RNGTT: variants seen among roughly 807,000 people sequenced by gnomAD.
RNGTT encodes RNA guanylyltransferase and 5'-phosphatase.
RNGTT carries 33 observed loss-of-function variants against 79.3 expected under a neutral mutation model. That is an observed-to-expected ratio of 0.42 (90% CI 0.32 to 0.56). RNGTT has a LOEUF of 0.56. Ranked by LOEUF, RNGTT falls within the 20% of genes least tolerant of loss-of-function variation. The pLI is 0.17. For missense variants in RNGTT, 497 were observed against 739.1 expected, an observed-to-expected ratio of 0.67 and a Z score of 3.80; for synonymous variants, 222 against 235.9, an observed-to-expected ratio of 0.94 and a Z score of 0.54.
At chr6:88,770,186 A>T (rs1207603788) in intron 12 of RNGTT, among the ~76,000 whole-genome samples, 1 of 152,158 alleles carries the variant, frequency 6.6e-6, no homozygotes, top group Non-Finnish European at 1.5e-5. Flanking sequence ...GTTCAGCTTT[A>T]TGGAGGGATA....
chr6:88,673,870 T>C (rs1031027172), intron 14 of RNGTT, among the ~76,000 whole-genome samples: 1 of 152,234 alleles, frequency 6.6e-6, no homozygotes, highest in Non-Finnish European at 1.5e-5. Flanking sequence ...CTTCTCTCTT[T>C]TTAGTTACTT....
intron 14 of RNGTT, among the ~76,000 whole-genome samples, chr6:88,675,154 C>T (rs867806497): frequency 6.7e-6 from 1 of 149,032 alleles, no homozygotes; most frequent in Non-Finnish European, 1.5e-5. Context: ...CAGAAAGTTA[C>T]AAAAAAAAAC....
chr6:88,893,921 T>C (rs1469011327), intron 6 of RNGTT, among the ~76,000 whole-genome samples: 2 of 152,216 alleles, frequency 1.3e-5, no homozygotes, highest in Admixed American at 6.5e-5. Context: ...ATACCATTTT[T>C]ATATTATTCA....
chr6:88,949,159 G>GAAAAAA, intron 1 of RNGTT, among the ~76,000 whole-genome samples: 844 of 50,428 alleles, frequency 0.017, 1 homozygote, highest in Non-Finnish European at 0.022. Context: ...AAAATAAAAT[G>GAAAAAA]AAAAAAAAAA....
At chr6:88,877,630 A>G (rs1782558296) in intron 8 of RNGTT, among the ~76,000 whole-genome samples, 1 of 152,222 alleles carries the variant, frequency 6.6e-6, no homozygotes, top group South Asian at 2.1e-4. Flanking sequence ...CAACCAAAGC[A>G]TTACTGCTTT....
chr6:88,929,166 T>A lies in RNGTT; in HGVS notation c.276A>T (p.Lys92Asn). Residue 92 changes from lysine to asparagine, a missense_variant and splice_region_variant, in exon 3 of 16, where the codon AAA (lysine) becomes AAT (asparagine). Around this residue, in one of 3 missense-constraint regions of RNGTT, gnomAD observed 440 missense variants for 671.5 expected, o/e 0.66. Transcript: ENST00000369485. ...AAGAATCTTAATATATAACTTACCC[T>A]TTACACTGAAGTTTTATATATTTGA... ...EGIKYIKLQCKGHGECPTTEN... is the reference protein window; with the variant it reads ...EGIKYIKLQCNGHGECPTTEN... 1 of 1,587,456 alleles carries A rather than the reference T, an allele frequency of 6.3e-7. No homozygotes were observed. The highest frequency in any genetic ancestry group is 1.7e-4 in the Middle Eastern group (1 of 5,958).
At chr6:88,741,413 AAC>A (rs1777488151) in intron 13 of RNGTT, among the ~76,000 whole-genome samples, 1 of 152,126 alleles carries the variant, frequency 6.6e-6, no homozygotes, top group Non-Finnish European at 1.5e-5. Flanking sequence ...TAAAGATGGT[AAC>A]CATAGACAAT....
chr6:88,746,357 G>C (rs1777657907), intron 13 of RNGTT, among the ~76,000 whole-genome samples: 1 of 152,136 alleles, frequency 6.6e-6, no homozygotes, highest in Non-Finnish European at 1.5e-5. Context: ...AGGTCCCCTT[G>C]CAGAAAGACC....
intron 2 of RNGTT, among the ~76,000 whole-genome samples, chr6:88,934,594 T>G (rs1356908601): frequency 6.6e-6 from 1 of 152,186 alleles, no homozygotes; most frequent in Non-Finnish European, 1.5e-5. Flanking sequence ...ATTCTCCTAT[T>G]CAGTAGGTTG....
intron 10 of RNGTT, among the ~76,000 whole-genome samples, chr6:88,845,631 G>T (rs1781460091): frequency 6.6e-6 from 1 of 152,036 alleles, no homozygotes; most frequent in African/African-American, 2.4e-5. Context: ...TCAACCTAAT[G>T]TTTACATAGG....
chr6:88,716,340 G>A (rs1455833432), intron 13 of RNGTT, among the ~76,000 whole-genome samples: 6 of 151,972 alleles, frequency 3.9e-5, no homozygotes, highest in African/African-American at 1.5e-4. Context: ...AGGATGTGGA[G>A]AAATAGGAAC....
intron 1 of RNGTT, among the ~76,000 whole-genome samples, chr6:88,944,141 TAATA>T (rs1221988976): frequency 2.6e-5 from 4 of 152,206 alleles, no homozygotes; most frequent in Admixed American, 6.5e-5. Context: ...AAAGAAGCCA[TAATA>T]ATTAAAGCTA....
At chr6:88,717,414 C>T (rs1451924301) in intron 13 of RNGTT, among the ~76,000 whole-genome samples, 1 of 152,154 alleles carries the variant, frequency 6.6e-6, no homozygotes, top group East Asian at 1.9e-4. Context: ...AAATACGCAC[C>T]TATTTTTGAT....
At chr6:88,941,604 T>C (rs1248323465) in intron 1 of RNGTT, among the ~76,000 whole-genome samples, 1 of 152,054 alleles carries the variant, frequency 6.6e-6, no homozygotes, top group Non-Finnish European at 1.5e-5. Flanking sequence ...AATCTAAAAA[T>C]GCAAGTGTTC....
intron 13 of RNGTT, among the ~76,000 whole-genome samples, chr6:88,692,972 T>G (rs1210119390): frequency 6.6e-6 from 1 of 151,876 alleles, no homozygotes; most frequent in Admixed American, 6.6e-5. Flanking sequence ...CCAAAACTGA[T>G]GAGATGCAGC....
At chr6:88,904,649 T>C (rs1195762027) in intron 6 of RNGTT, 66 bp downstream of exon 6, 21 of 1,477,944 alleles carry the variant, frequency 1.4e-5, no homozygotes, top group Non-Finnish European at 1.9e-5. Flanking sequence ...ATTCCATTTT[T>C]ATAAATCTCA....
intron 4 of RNGTT, among the ~76,000 whole-genome samples, chr6:88,926,130 G>A (rs113652367): frequency 4.6e-5 from 7 of 151,966 alleles, no homozygotes; most frequent in African/African-American, 1.7e-4. Flanking sequence ...ATTCTTTTTG[G>A]TCCTTTTAAA....
chr6:88,674,946 A>C (rs1469278499), intron 14 of RNGTT, among the ~76,000 whole-genome samples: 1 of 151,970 alleles, frequency 6.6e-6, no homozygotes, highest in Non-Finnish European at 1.5e-5. Context: ...AAAATACAAA[A>C]AATTAGCCAG....
At chr6:88,932,081 A>G (rs12176545) in intron 2 of RNGTT, among the ~76,000 whole-genome samples, 9,661 of 152,152 alleles carry the variant, frequency 0.063, 569 homozygotes, top group African/African-American at 0.15. Context: ...GAGAAATATC[A>G]CTGAATTCTC....
Sources: allele counts gnomAD v4.1 joint callset (sites outside exome capture counted in the v4.1 genomes callset), GRCh38; gene constraint gnomAD v4.1.1; regional missense constraint gnomAD v4.1.1; transcripts MANE v1.5; gene names NCBI Gene and HGNC (gene_info 2026-07-23, HGNC 2026-07-21).